The following NPSR1 variants were observed in gnomAD, a reference collection of about 807,000 sequenced individuals.
The protein encoded by NPSR1 is neuropeptide S receptor 1.
A neutral mutation model predicts 46.9 loss-of-function variants in NPSR1; 48 were observed. The ratio of observed to expected loss-of-function variants is 1.02; its 90% CI spans 0.81 to 1.30. The LOEUF (loss-of-function observed/expected upper bound fraction) is 1.30. NPSR1 is among the 50% of genes most tolerant of loss of function. The probability of loss-of-function intolerance (pLI) is 0.00; values close to 1 mark genes in which losing one functional copy is unlikely to be tolerated. For missense variants in NPSR1, 450 were observed against 449.5 expected (o/e 1.00, Z -0.01); for synonymous variants, 176 against 168.1 (o/e 1.05, Z -0.36).
At chr7:34,792,134 GTTCCTTGACATTTC>G (rs1252251745) in intron 3 of NPSR1, among the ~76,000 whole-genome samples, 2 of 152,032 alleles carry the variant, frequency 1.3e-5, no homozygotes, top group Middle Eastern at 3.2e-3. Flanking sequence ...CAGGGGAAAT[GTTCCTTGACATTTC>G]TCTTGGCAGT....
chr7:34,691,577 A>G (rs1249895470), intron 2 of NPSR1, among the ~76,000 whole-genome samples: 1 of 152,200 alleles, frequency 6.6e-6, no homozygotes, highest in African/African-American at 2.4e-5. Flanking sequence ...TATATTAGAT[A>G]AAACAGACAT....
intron 2 of NPSR1, among the ~76,000 whole-genome samples, chr7:34,744,210 T>C (rs974326325): frequency 1.3e-5 from 2 of 152,242 alleles, no homozygotes; most frequent in Non-Finnish European, 2.9e-5. Context: ...GTATTCAATA[T>C]AGAGTATCTC....
At chr7:34,856,151 G>GCTGGCCACCACCAGCCCAGTGATGC (rs1479841564) in intron 8 of NPSR1, among the ~76,000 whole-genome samples, 3 of 148,286 alleles carry the variant, frequency 2.0e-5, no homozygotes, top group African/African-American at 5.3e-5. Flanking sequence ...CCTAGTCAAT[G>GCTGGCCACCACCAGCCCAGTGATGC]TAGTAAAACA....
At chr7:34,852,662 T>G (rs1790964024), downstream of NPSR1, among the ~76,000 whole-genome samples, 1 of 152,132 alleles carries the variant, frequency 6.6e-6, no homozygotes, top group African/African-American at 2.4e-5. Flanking sequence ...AACTGAGAAA[T>G]GCAGTTTGAG....
At chr7:34,801,735 A>G (rs1788425675) in intron 3 of NPSR1, among the ~76,000 whole-genome samples, 3 of 147,984 alleles carry the variant, frequency 2.0e-5, no homozygotes. Flanking sequence ...TAGGCAGGAG[A>G]AGGAAATAAA....
At chr7:34,840,101 A>C (rs1273700224) in intron 6 of NPSR1, among the ~76,000 whole-genome samples, 6 of 152,108 alleles carry the variant, frequency 3.9e-5, no homozygotes, top group Non-Finnish European at 8.8e-5. Flanking sequence ...ATCTTCTCAT[A>C]TCTAGCTACA....
chr7:34,761,933 T>C (rs1786193296), intron 2 of NPSR1, among the ~76,000 whole-genome samples: 1 of 152,188 alleles, frequency 6.6e-6, no homozygotes, highest in Non-Finnish European at 1.5e-5. Context: ...CTGTTATTGC[T>C]GAACCTGATG....
At chr7:34,725,374 G>T (rs28593666) in intron 2 of NPSR1, among the ~76,000 whole-genome samples, 2 of 151,964 alleles carry the variant, frequency 1.3e-5, no homozygotes, top group Non-Finnish European at 2.9e-5. Context: ...ATCCTCTACC[G>T]GGATAAGATC....
At chr7:34,690,944 A>G (rs547114923) in intron 2 of NPSR1, among the ~76,000 whole-genome samples, 1 of 152,310 alleles carries the variant, frequency 6.6e-6, no homozygotes, top group Non-Finnish European at 1.5e-5. Flanking sequence ...TCCAAAGTCA[A>G]CATGAAGGAA....
intron 4 of NPSR1, among the ~76,000 whole-genome samples, chr7:34,821,417 C>T (rs1017052783): frequency 6.6e-6 from 1 of 152,158 alleles, no homozygotes; most frequent in African/African-American, 2.4e-5. Context: ...TGAGACACTG[C>T]ACCTGGCCCG....
chr7:34,767,669 CAGA>C (rs1373458022), intron 2 of NPSR1, among the ~76,000 whole-genome samples: 1 of 152,020 alleles, frequency 6.6e-6, no homozygotes. Context: ...ATTGAAGTTA[CAGA>C]AGGAGAAGAG....
chr7:34,790,987 T>G (rs1441721891), intron 3 of NPSR1, among the ~76,000 whole-genome samples: 2,200 of 98,726 alleles, frequency 0.022, 215 homozygotes, highest in African/African-American at 0.085. Flanking sequence ...TATGTTATAT[T>G]ATATATGTTA....
chr7:34,762,977 G>A (rs1359575542), intron 2 of NPSR1, among the ~76,000 whole-genome samples: 2 of 152,218 alleles, frequency 1.3e-5, no homozygotes, highest in Non-Finnish European at 2.9e-5. Context: ...AGGAATCTAA[G>A]ACATGGGACT....
intron 3 of NPSR1, among the ~76,000 whole-genome samples, chr7:34,792,848 C>T (rs995670223): frequency 6.8e-6 from 1 of 146,910 alleles, no homozygotes; most frequent in Non-Finnish European, 1.5e-5. Flanking sequence ...AGCACCATTG[C>T]ACTTCAGCCT....
At chr7:34,877,526 G>A (rs896897837) in intron 8 of NPSR1, among the ~76,000 whole-genome samples, 5 of 152,202 alleles carry the variant, frequency 3.3e-5, no homozygotes, top group Admixed American at 6.5e-5. Context: ...CAGAAAAGCT[G>A]GACGGAGCAA....
intron 1 of NPSR1, among the ~76,000 whole-genome samples, chr7:34,661,946 C>T (rs1158920206): frequency 6.6e-6 from 1 of 152,116 alleles, no homozygotes. Flanking sequence ...ATAAGGCTGT[C>T]CAAATGCAAA....
chr7:34,670,328 C>T (rs546097560), intron 1 of NPSR1, among the ~76,000 whole-genome samples: 4 of 151,914 alleles, frequency 2.6e-5, no homozygotes, highest in African/African-American at 9.7e-5. Flanking sequence ...CATATATGAA[C>T]TTAATGTTAC....
chr7:34,874,920 C>G (rs1791541090), intron 8 of NPSR1, among the ~76,000 whole-genome samples: 1 of 152,146 alleles, frequency 6.6e-6, no homozygotes, highest in Non-Finnish European at 1.5e-5. Context: ...CCAACTACCT[C>G]TGCTTTTTTC....
At chr7:34,792,514 C>T (rs1787926776) in intron 3 of NPSR1, among the ~76,000 whole-genome samples, 1 of 145,678 alleles carries the variant, frequency 6.9e-6, no homozygotes, top group Non-Finnish European at 1.5e-5. Context: ...CACACACACA[C>T]ACATATATAT....
Sources: gnomAD v4.1 joint callset for allele counts (sites outside exome capture counted in the v4.1 genomes callset) on GRCh38, gnomAD v4.1.1 for gene constraint, MANE v1.5 for transcripts, NCBI Gene and HGNC (gene_info 2026-07-23, HGNC 2026-07-21) for gene names.